Variants in PIK3R6 observed in about 807,000 individuals in gnomAD.
PIK3R6 encodes the protein phosphoinositide-3-kinase regulatory subunit 6.
A neutral mutation model predicts 84.9 loss-of-function variants in PIK3R6; 91 were observed. The ratio of observed to expected loss-of-function variants is 1.07; its 90% CI spans 0.90 to 1.28. The LOEUF is 1.28. Among genes scored for constraint, PIK3R6 ranks in the 50% most tolerant of loss-of-function variants. The pLI is 0.00. For synonymous variants in PIK3R6, 416 were observed against 411.4 expected, an observed-to-expected ratio of 1.01 and a Z score of -0.13; for missense variants, 996 against 985.1, an observed-to-expected ratio of 1.01 and a Z score of -0.15.
rs537486758 is a variant in PIK3R6 at position 8,804,108 on chromosome 17, G to T, written c.2041C>A (p.Arg681=). Residue 681 remains arginine (R), a synonymous_variant, in exon 19 of 20, where the codon CGG becomes AGG. Coordinates refer to ENST00000619866, the MANE Select transcript of PIK3R6 (RefSeq NM_001010855.4). ...GACAGTGTCAGCAGCCTCTGGTCCC[G>T]GCTCTGGATCTGGATATTGTTCGTC... ...FRTNNIQIQS[R]DQRLLTLSLD... is the part of the protein sequence containing the mutation. 1.7e-5 allele frequency: 28 copies of T among 1,613,866 alleles called. No individual in the cohort carries two copies. In the Middle Eastern group the frequency reaches 8.2e-4, roughly 47 times the overall value.
At position 8,839,564 on chromosome 17, in the gene PIK3R6, G is replaced by A; in HGVS notation, c.97+50C>T. 1 of 1,449,124 alleles carries A rather than the reference G, an allele frequency of 6.9e-7. No homozygotes were observed. 89.8% of individuals were successfully genotyped at this position (1,449,124 alleles called of 1,614,324 possible). Reference sequence around the variant, plus strand: ...TGTATGCGCGTGTATTGTTGGCTGGGGTTGGGTGGAGGTCAGAGGGACCAG... The same window carrying A: ...TGTATGCGCGTGTATTGTTGGCTGGAGTTGGGTGGAGGTCAGAGGGACCAG... On this transcript the variant is annotated intron_variant, in intron 3 of 19. Coordinates refer to ENST00000619866, the MANE Select transcript of PIK3R6 (RefSeq NM_001010855.4). The surrounding 1 kb of genome is among the most constrained non-coding windows in gnomAD (Gnocchi z 4.2).
Position 8,803,587 on chromosome 17 carries a change from A to G in PIK3R6, c.2109-158T>C. On this transcript the variant is annotated intron_variant, in intron 19 of 19. Transcript: ENST00000619866. This position sits in a 1 kb window ranked among gnomAD's most constrained non-coding sequence, Gnocchi z 5.0. ...AGAAAGAGGAAGAGTCAGGACAAGA[A>G]AGAAAAACCTGGGCCTGGGGTTCAC... The G allele has an allele frequency of 1.4e-6, 1 of 739,366 alleles. No homozygotes were observed. Among genetic ancestry groups the G allele is most frequent in the Non-Finnish European group, 2.1e-6 (1 of 477,788 alleles). The allele number at this position is 739,366 out of a possible 1,614,324, so 45.8% of individuals were successfully genotyped here.
chr17:8,813,348 T>C (rs1306768856), intron 18 of PIK3R6, among the ~76,000 whole-genome samples: 1 of 152,194 alleles, frequency 6.6e-6, no homozygotes, highest in African/African-American at 2.4e-5. Flanking sequence ...CTAATCTTAC[T>C]GACACCGTTC....
At chr17:8,814,215 CTT>C (rs112750429) in intron 18 of PIK3R6, among the ~76,000 whole-genome samples, 86 of 85,524 alleles carry the variant, frequency 1.0e-3, no homozygotes, top group Admixed American at 3.0e-3. Flanking sequence ...AGAGAGAGAT[CTT>C]TTTTTTTTTT....
intron 14 of PIK3R6, 86 bp downstream of exon 14, chr17:8,823,301 G>T: frequency 9.7e-7 from 1 of 1,030,088 alleles, no homozygotes; most frequent in Non-Finnish European, 1.5e-6. Flanking sequence ...CATGATTGGT[G>T]GCCTGGTGAC....
chr17:8,835,455 C>T lies in PIK3R6; in HGVS notation c.463G>A (p.Val155Met), dbSNP rs367585504. 1.9e-4 allele frequency: 295 copies of T among 1,553,784 alleles called. 4 individuals are homozygous for T. In the South Asian group the frequency reaches 3.3e-3, roughly 17 times the overall value. The change falls in exon 8 of 20, where the codon GTG becomes ATG. Residue 155 changes from valine to methionine, a missense_variant and splice_region_variant. Physicochemically the swap from Val to Met is conservative, Grantham distance 21 (BLOSUM62 1). Transcript: ENST00000619866. Reference sequence around the variant, plus strand: ...AGCTCAGGATCCACGAAGAGGAACACTCTGAGGGCAGAAGCAGAGGGGAGA... The same window carrying T: ...AGCTCAGGATCCACGAAGAGGAACATTCTGAGGGCAGAAGCAGAGGGGAGA... ...TNELYPYQER[V>M]FLFVDPELVS...
intron 12 of PIK3R6, among the ~76,000 whole-genome samples, chr17:8,827,763 G>GGAGAGAGAGAGA (rs199969342): frequency 1.3e-3 from 45 of 34,820 alleles, no homozygotes; most frequent in Non-Finnish European, 1.6e-3. Flanking sequence ...GAGAGAGAGA[G>GGAGAGAGAGAGA]GAGAGAGAGA....
Position 8,804,867 on chromosome 17 carries a change from C to A in PIK3R6, c.1996-714G>T, listed in dbSNP as rs531874282. On this transcript the variant is annotated intron_variant, in intron 18 of 19. Coordinates refer to ENST00000619866, the MANE Select transcript of PIK3R6 (RefSeq NM_001010855.4). ...CCATCTCATTCAAGTGTTCTTAACCCTGGCTGCCCATAAGAATCAATTTTC... is the reference window on the plus strand; with the variant it reads ...CCATCTCATTCAAGTGTTCTTAACCATGGCTGCCCATAAGAATCAATTTTC... Among the ~76,000 whole-genome samples, 3 of 152,324 alleles carry A rather than the reference C, an allele frequency of 2.0e-5. No individual in the cohort carries two copies. The East Asian group carries it at 5.8e-4, about 29-fold the overall frequency.
Position 8,832,888 on chromosome 17 carries a change from C to T in PIK3R6, c.802+1G>A. 1 of 1,612,568 alleles carries T rather than the reference C, an allele frequency of 6.2e-7. No homozygotes were observed. The highest frequency in any genetic ancestry group is 8.5e-7 in the Non-Finnish European group (1 of 1,179,700). On this transcript the variant is annotated splice_donor_variant, in intron 9 of 19. Coordinates refer to ENST00000619866, the MANE Select transcript of PIK3R6 (RefSeq NM_001010855.4). LOFTEE classifies it high-confidence loss of function. ...AGGCCCCCCATCTGCCAGTCGCTTA[C>T]CACCGCAGCGCCCCGCCGCGGGACC...
chr17:8,828,564 C>G lies in PIK3R6; in HGVS notation c.1313+3G>C. On this transcript the variant is annotated splice_donor_region_variant and intron_variant, in intron 11 of 19. Transcript: ENST00000619866. The stretch of plus-strand genomic sequence containing the variant: ...ACCCCCAGCCCCCACGTCGGGGCCC[C>G]ACCTGAGTCTGTGGTAGGCCTGGGC... The G allele has an allele frequency of 1.2e-6, 2 of 1,611,880 alleles. No homozygotes were observed. The highest frequency in any genetic ancestry group is 1.7e-6 in the Non-Finnish European group (2 of 1,179,472).
chr17:8,814,980 A>G (rs1324190391), intron 18 of PIK3R6, among the ~76,000 whole-genome samples: 1 of 152,240 alleles, frequency 6.6e-6, no homozygotes, highest in Non-Finnish European at 1.5e-5. Flanking sequence ...ACCATATTAT[A>G]CAACAGCAGC....
At chr17:8,805,010 T>C (rs1435972654) in intron 18 of PIK3R6, among the ~76,000 whole-genome samples, 2 of 152,190 alleles carry the variant, frequency 1.3e-5, no homozygotes, top group Admixed American at 1.3e-4. Flanking sequence ...AGTTGTTCAG[T>C]GTCATCTAGC....
chr17:8,838,662 C>G lies in PIK3R6; in HGVS notation c.98-7G>C, dbSNP rs2088565954. On this transcript the variant is annotated splice_polypyrimidine_tract_variant and splice_region_variant and intron_variant, in intron 3 of 19. Transcript: ENST00000619866. ...AGGGACCACCTCCACATGCCTGGGC[C>G]AGGAGAAAGGGGAGCCCGGCATGAG... 1 of 1,591,566 alleles carries G rather than the reference C, an allele frequency of 6.3e-7. No individual in the cohort carries two copies. The highest frequency in any genetic ancestry group is 8.6e-7 in the Non-Finnish European group (1 of 1,169,006).
chr17:8,832,865 GCC>G lies in PIK3R6; in HGVS notation c.802+22_802+23del. The G allele has an allele frequency of 1.9e-6, 3 of 1,611,972 alleles. No homozygotes were observed. The East Asian group carries it at 6.7e-5, about 36-fold the overall frequency. ...CTGCCCCCGCGGGACTCTTGCCAAG[GCC>G]CCCCATCTGCCAGTCGCTTACCACC... On this transcript the variant is annotated intron_variant, in intron 9 of 19. Transcript: ENST00000619866.
chr17:8,805,917 C>CAAA (rs56856038), intron 18 of PIK3R6, among the ~76,000 whole-genome samples: 4 of 134,732 alleles, frequency 3.0e-5, no homozygotes, highest in African/African-American at 1.1e-4. Flanking sequence ...GACTCTGTCT[C>CAAA]AAAAAAAAAA....
At chr17:8,837,609 T>G (rs2088522869) in intron 5 of PIK3R6, among the ~76,000 whole-genome samples, 194 bp downstream of exon 5, 1 of 152,146 alleles carries the variant, frequency 6.6e-6, no homozygotes, top group Admixed American at 6.5e-5. Context: ...TTCAAGGCCA[T>G]TGTCTCTCCA....
intron 3 of PIK3R6, 100 bp from the exon 4 acceptor site, chr17:8,838,755 T>C: frequency 8.6e-7 from 1 of 1,168,498 alleles, no homozygotes; most frequent in Non-Finnish European, 1.2e-6. Flanking sequence ...CAGCTGCAGC[T>C]CTGACCAGCC....
Position 8,828,126 on chromosome 17 carries a change from C to G in PIK3R6, c.1378G>C (p.Val460Leu). 3.7e-6 allele frequency: 6 copies of G among 1,613,928 alleles called. No homozygotes were observed. The highest frequency in any genetic ancestry group is 5.1e-6 in the Non-Finnish European group (6 of 1,179,854). ...GGTCCAGTCACCTCAGGCGCCAGCA[C>G]GGGGATGTAGTAGAGCTGCAGGCTG... is the stretch of plus-strand genomic sequence containing the variant. ...RLSLQLYYIP[V>L]LAPEKPAASR... Residue 460 changes from valine to leucine, a missense_variant, in exon 12 of 20, where the codon GTG becomes CTG. Transcript: ENST00000619866.
chr17:8,848,317 G>A (rs538689500), intron 2 of PIK3R6, among the ~76,000 whole-genome samples: 1 of 152,316 alleles, frequency 6.6e-6, no homozygotes, highest in African/African-American at 2.4e-5. Context: ...AGCATGGCAT[G>A]TATTTATTGT....
Sources: allele counts gnomAD v4.1 joint callset (sites outside exome capture counted in the v4.1 genomes callset), GRCh38; gene constraint gnomAD v4.1.1; non-coding constraint Gnocchi (gnomAD v3.1); transcripts MANE v1.5; gene names NCBI Gene and HGNC (gene_info 2026-07-23, HGNC 2026-07-21).